Variants in AP4E1 observed in about 807,000 individuals in gnomAD.
AP4E1 encodes the protein adaptor related protein complex 4 subunit epsilon 1.
A neutral mutation model predicts 128.2 loss-of-function variants in AP4E1; 56 were observed. That is an observed-to-expected ratio of 0.44 (90% CI 0.35 to 0.55). The LOEUF is 0.55. Ranked by LOEUF, AP4E1 falls within the 20% of genes least tolerant of loss-of-function variation. AP4E1 has a pLI of 0.00. For synonymous variants in AP4E1, 484 were observed against 473.1 expected, an observed-to-expected ratio of 1.02 and a Z score of -0.30; for missense variants, 1,324 against 1,307.7, an observed-to-expected ratio of 1.01 and a Z score of -0.19.
chr15:50,937,846 G>A (rs1340071240), intron 8 of AP4E1, among the ~76,000 whole-genome samples: 2 of 152,122 alleles, frequency 1.3e-5, no homozygotes, highest in East Asian at 1.9e-4. Context: ...GTGGAAGGGC[G>A]GTATTGTGGA....
At chr15:50,950,972 A>G (rs1025238536) in intron 13 of AP4E1, among the ~76,000 whole-genome samples, 1 of 152,204 alleles carries the variant, frequency 6.6e-6, no homozygotes, top group Admixed American at 6.5e-5. Context: ...ATGGCTGTAT[A>G]GTATTCCATG....
chr15:50,927,186 G>C (rs2063779353), intron 5 of AP4E1, among the ~76,000 whole-genome samples: 1 of 152,098 alleles, frequency 6.6e-6, no homozygotes, highest in Non-Finnish European at 1.5e-5. Context: ...TCTGAGAATT[G>C]AAAGGTCCCG....
At chr15:51,002,304 G>GT (rs1039102309) in intron 20 of AP4E1, among the ~76,000 whole-genome samples, 198 bp from the exon 21 acceptor site, 1 of 152,040 alleles carries the variant, frequency 6.6e-6, no homozygotes, top group East Asian at 1.9e-4. Flanking sequence ...GTTATTATCT[G>GT]TTTTTTTCTT....
chr15:50,946,699 T>A (rs1467900077), intron 10 of AP4E1, among the ~76,000 whole-genome samples: 3 of 152,214 alleles, frequency 2.0e-5, no homozygotes, highest in Non-Finnish European at 4.4e-5. Context: ...ATATTGCTGA[T>A]CCTAAAACAC....
chr15:50,966,876 A>G (rs953907306), intron 14 of AP4E1, among the ~76,000 whole-genome samples: 1 of 152,176 alleles, frequency 6.6e-6, no homozygotes, highest in Admixed American at 6.5e-5. Context: ...AGATTCAGAG[A>G]GTGAGGTGCC....
chr15:50,965,557 A>G (rs533059450), intron 14 of AP4E1, among the ~76,000 whole-genome samples: 2 of 152,376 alleles, frequency 1.3e-5, no homozygotes, highest in Admixed American at 6.5e-5. Context: ...ATTATAAACT[A>G]TATTGCAGAG....
At chr15:50,990,794 A>G (rs1480411004) in intron 16 of AP4E1, among the ~76,000 whole-genome samples, 1 of 152,204 alleles carries the variant, frequency 6.6e-6, no homozygotes, top group East Asian at 1.9e-4. Flanking sequence ...TCTTTAAAAT[A>G]GTTTGAGGCT....
At chr15:50,912,224 CTGA>C in intron 2 of AP4E1, 75 bp downstream of exon 2, 1 of 1,286,190 alleles carries the variant, frequency 7.8e-7, no homozygotes, top group Non-Finnish European at 1.1e-6. Flanking sequence ...TGGCATCTAA[CTGA>C]TGATCGGTTG....
chr15:50,915,805 G>A (rs1313341015), intron 3 of AP4E1: 3 of 510,838 alleles, frequency 5.9e-6, no homozygotes, highest in Non-Finnish European at 1.0e-5. Context: ...CTCTTGTGAT[G>A]GCGGTTAGAT....
intron 8 of AP4E1, among the ~76,000 whole-genome samples, chr15:50,935,920 A>G (rs1431010385): frequency 1.3e-5 from 2 of 152,222 alleles, no homozygotes. Flanking sequence ...TTTTGCATGT[A>G]TGAATGGTAA....
chr15:50,913,546 G>A (rs2063590606), intron 2 of AP4E1, among the ~76,000 whole-genome samples: 1 of 152,218 alleles, frequency 6.6e-6, no homozygotes, highest in Admixed American at 6.5e-5. Flanking sequence ...TCATGTAAAG[G>A]TTGGCTGTCA....
intron 15 of AP4E1, among the ~76,000 whole-genome samples, chr15:50,979,218 G>A (rs1274311449): frequency 6.6e-6 from 1 of 152,150 alleles, no homozygotes; most frequent in Non-Finnish European, 1.5e-5. Flanking sequence ...TACCACTGTT[G>A]GATGGTAAGT....
intron 15 of AP4E1, among the ~76,000 whole-genome samples, chr15:50,979,496 C>G (rs2064607135): frequency 6.6e-6 from 1 of 152,088 alleles, no homozygotes; most frequent in African/African-American, 2.4e-5. Flanking sequence ...ATAGCTCAGC[C>G]TTGAGAACAA....
At chr15:50,948,840 C>T (rs182369927) in intron 11 of AP4E1, among the ~76,000 whole-genome samples, 12 of 151,526 alleles carry the variant, frequency 7.9e-5, no homozygotes, top group East Asian at 3.9e-4. Context: ...GGCATGGTGG[C>T]GCATGCCTGT....
At chr15:50,939,495 G>A (rs2063954314) in intron 8 of AP4E1, among the ~76,000 whole-genome samples, 1 of 152,030 alleles carries the variant, frequency 6.6e-6, no homozygotes, top group African/African-American at 2.4e-5. Flanking sequence ...CAGAGTGGCT[G>A]CTCTTTCAAT....
intron 10 of AP4E1, chr15:50,945,391 G>A (rs1423380354): frequency 2.6e-6 from 2 of 778,702 alleles, no homozygotes; most frequent in South Asian, 1.3e-5. Flanking sequence ...AACAAATACA[G>A]TTTGTTGGAA....
At chr15:50,993,985 T>C (rs2064838544) in intron 17 of AP4E1, among the ~76,000 whole-genome samples, 1 of 152,236 alleles carries the variant, frequency 6.6e-6, no homozygotes, top group Non-Finnish European at 1.5e-5. Flanking sequence ...AGTATTGATA[T>C]ATCTTTGTAA....
chr15:50,959,784 T>C (rs991020187), intron 14 of AP4E1, among the ~76,000 whole-genome samples: 1 of 152,166 alleles, frequency 6.6e-6, no homozygotes, highest in African/African-American at 2.4e-5. Flanking sequence ...CAACTATCCA[T>C]AACAACCTTT....
At chr15:50,934,757 A>C in intron 8 of AP4E1, 60 bp downstream of exon 8, 1 of 1,112,646 alleles carries the variant, frequency 9.0e-7, no homozygotes, top group South Asian at 1.3e-5. Context: ...TATTGCAGTT[A>C]AATCTGTGTT....
Sources: gnomAD v4.1 joint callset for allele counts (sites outside exome capture counted in the v4.1 genomes callset) on GRCh38, gnomAD v4.1.1 for gene constraint, MANE v1.5 for transcripts, NCBI Gene and HGNC (gene_info 2026-07-23, HGNC 2026-07-21) for gene names.